The following STPG2 variants were observed in gnomAD, a reference collection of about 807,000 sequenced individuals.
STPG2 encodes the protein sperm tail PG-rich repeat containing 2.
Under a neutral mutation model 54.2 loss-of-function variants are expected in STPG2, and 56 were observed. That is an observed-to-expected ratio of 1.03 (90% CI 0.83 to 1.29). The LOEUF is 1.29. Ranked by LOEUF, STPG2 falls within the 50% of genes most tolerant of loss-of-function variation. The probability of loss-of-function intolerance (pLI) is 0.00; values close to 1 mark genes in which losing one functional copy is unlikely to be tolerated. For synonymous variants in STPG2, 200 were observed against 181.8 expected, an observed-to-expected ratio of 1.10 and a Z score of -0.81; for missense variants, 596 against 544.9, an observed-to-expected ratio of 1.09 and a Z score of -0.93.
At chr4:97,529,483 G>A (rs1369412979) in intron 4 of STPG2, among the ~76,000 whole-genome samples, 1 of 152,124 alleles carries the variant, frequency 6.6e-6, no homozygotes, top group African/African-American at 2.4e-5. Flanking sequence ...GTATCAGGAT[G>A]ATGCTGGCAT....
At chr4:97,886,228 A>G (rs1560571473) in intron 8 of STPG2, among the ~76,000 whole-genome samples, 1 of 152,218 alleles carries the variant, frequency 6.6e-6, no homozygotes, top group African/African-American at 2.4e-5. Flanking sequence ...ACTGAACTTT[A>G]TAGAAAAAAA....
intron 8 of STPG2, among the ~76,000 whole-genome samples, chr4:97,841,238 TATAAGA>T (rs1728793301): frequency 6.6e-6 from 1 of 151,832 alleles, no homozygotes; most frequent in South Asian, 2.1e-4. Flanking sequence ...TCAAATTGCT[TATAAGA>T]ATGAGAGCAA....
At chr4:97,519,306 T>C (rs1428544893) in intron 4 of STPG2, among the ~76,000 whole-genome samples, 1 of 151,948 alleles carries the variant, frequency 6.6e-6, no homozygotes, top group Non-Finnish European at 1.5e-5. Flanking sequence ...AGTGTGAGGA[T>C]CCAGAGTGGA....
At chr4:97,644,631 G>T (rs577401907) in intron 10 of STPG2, among the ~76,000 whole-genome samples, 1 of 152,020 alleles carries the variant, frequency 6.6e-6, no homozygotes, top group Non-Finnish European at 1.5e-5. Context: ...GGGGACATTT[G>T]ATTTTCAGGA....
Position 97,670,000 on chromosome 4 carries a change from A to AT in STPG2, c.1320+42698dup, listed in dbSNP as rs200430165. ...TATAGATAATTGCTCTGAAAAGCAC[A>AT]TTTTTTTATTATTGCTATATTCCTA... On this transcript the variant is annotated intron_variant, in intron 10 of 10. Coordinates refer to ENST00000295268, the MANE Select transcript of STPG2 (RefSeq NM_174952.3). 3.7e-3 allele frequency among the ~76,000 whole-genome samples: 562 copies of AT among 152,118 alleles called. 1 individual carries two copies. The highest frequency in any genetic ancestry group is 0.013 in the African/African-American group (532 of 41,518).
intron 10 of STPG2, among the ~76,000 whole-genome samples, chr4:97,675,496 C>T (rs1003682546): frequency 9.9e-5 from 15 of 152,164 alleles, no homozygotes; most frequent in Non-Finnish European, 1.9e-4. Flanking sequence ...CTATCATACA[C>T]AGCTTGACAG....
chr4:98,081,295 T>G (rs1348075791), intron 5 of STPG2, among the ~76,000 whole-genome samples: 1 of 152,154 alleles, frequency 6.6e-6, no homozygotes, highest in Non-Finnish European at 1.5e-5. Flanking sequence ...CTCCTCCTGA[T>G]AGTAATCCCT....
intron 9 of STPG2, among the ~76,000 whole-genome samples, chr4:97,811,390 T>C (rs1727735291): frequency 6.6e-6 from 1 of 152,198 alleles, no homozygotes; most frequent in Admixed American, 6.5e-5. Flanking sequence ...ATTTCCTTCA[T>C]AACATGGTTT....
At chr4:97,648,272 C>G (rs972147400) in intron 10 of STPG2, among the ~76,000 whole-genome samples, 5 of 152,170 alleles carry the variant, frequency 3.3e-5, no homozygotes, top group Admixed American at 1.3e-4. Flanking sequence ...TTCCACTACT[C>G]TCCCATCCCT....
chr4:97,807,248 T>C (rs1727596288), intron 9 of STPG2, among the ~76,000 whole-genome samples: 1 of 151,896 alleles, frequency 6.6e-6, no homozygotes, highest in Non-Finnish European at 1.5e-5. Flanking sequence ...ATATGTTTAT[T>C]TACTCATTTA....
At chr4:97,838,854 T>C (rs1340340707) in intron 9 of STPG2, among the ~76,000 whole-genome samples, 1 of 151,592 alleles carries the variant, frequency 6.6e-6, no homozygotes, top group African/African-American at 2.4e-5. Context: ...CAGAGGTCCA[T>C]ATGGCTTTTT....
chr4:97,585,043 A>G (rs1222838315), intron 10 of STPG2, among the ~76,000 whole-genome samples: 62 of 144,860 alleles, frequency 4.3e-4, no homozygotes. Flanking sequence ...TACTAAAACC[A>G]GGAAAGGACA....
intron 8 of STPG2, among the ~76,000 whole-genome samples, chr4:97,929,520 G>A (rs1009097895): frequency 6.6e-6 from 1 of 152,056 alleles, no homozygotes; most frequent in African/African-American, 2.4e-5. Context: ...TTTTTTCTCT[G>A]CAACCTCACT....
chr4:97,542,875 C>CA (rs941754698), intron 4 of STPG2, among the ~76,000 whole-genome samples: 38 of 151,956 alleles, frequency 2.5e-4, no homozygotes, highest in African/African-American at 9.2e-4. Context: ...GAAGCAAGAA[C>CA]AAAAAACCTA....
intron 5 of STPG2, among the ~76,000 whole-genome samples, chr4:97,988,161 G>A (rs1164648597): frequency 6.6e-6 from 1 of 151,370 alleles, no homozygotes; most frequent in Non-Finnish European, 1.5e-5. Context: ...TCTGCTTCAC[G>A]ACCTTGGCAT....
chr4:97,751,810 T>C (rs974052871), intron 9 of STPG2, among the ~76,000 whole-genome samples: 3 of 151,732 alleles, frequency 2.0e-5, no homozygotes. Context: ...GGAAAGCAGA[T>C]TGTGAGAGGA....
rs534700152 is a variant in STPG2 at position 97,714,023 on chromosome 4, G to C, written c.1205-1209C>G. 6.6e-5 allele frequency among the ~76,000 whole-genome samples: 10 copies of C among 152,168 alleles called. No individual in the cohort carries two copies. The East Asian group carries it at 1.9e-3, about 29-fold the overall frequency. Reference sequence around the variant, plus strand: ...AGAAGAATGGTAGTGAATGAAATTAGATTGGGGGCATCAGAGAGGCAATGT... The same window carrying C: ...AGAAGAATGGTAGTGAATGAAATTACATTGGGGGCATCAGAGAGGCAATGT... On this transcript the variant is annotated intron_variant, in intron 9 of 10. Coordinates refer to ENST00000295268, the MANE Select transcript of STPG2 (RefSeq NM_174952.3).
intron 4 of STPG2, among the ~76,000 whole-genome samples, chr4:97,490,412 G>A (rs1730479151): frequency 6.6e-6 from 1 of 151,220 alleles, no homozygotes; most frequent in Non-Finnish European, 1.5e-5. Flanking sequence ...TAATTTCCAT[G>A]CCATTACTTA....
In STPG2 at chr4:97,621,470, T is replaced by C. The variant is rs146741919; in HGVS notation, c.1321-62353A>G. On this transcript the variant is annotated intron_variant, in intron 10 of 10. Coordinates refer to ENST00000295268, the MANE Select transcript of STPG2 (RefSeq NM_174952.3). Reference sequence around the variant, plus strand: ...GATGTTATCACTGACCCCACAGACATACAAGAACGCTGAGACATTACTATT... The same window carrying C: ...GATGTTATCACTGACCCCACAGACACACAAGAACGCTGAGACATTACTATT... 2.4e-3 allele frequency among the ~76,000 whole-genome samples: 361 copies of C among 152,180 alleles called. 1 individual carries two copies. The highest frequency in any genetic ancestry group is 3.6e-3 in the Non-Finnish European group (243 of 68,000).
Sources: gnomAD v4.1 joint callset for allele counts (sites outside exome capture counted in the v4.1 genomes callset) on GRCh38, gnomAD v4.1.1 for gene constraint, MANE v1.5 for transcripts, NCBI Gene and HGNC (gene_info 2026-07-23, HGNC 2026-07-21) for gene names.